PINX1: variants seen among roughly 807,000 people sequenced by gnomAD.
The protein encoded by PINX1 is PIN2 (TERF1) interacting telomerase inhibitor 1.
A neutral mutation model predicts 25.4 loss-of-function variants in PINX1; 34 were observed. The ratio of observed to expected loss-of-function variants is 1.34; its 90% CI spans 1.02 to 1.78. PINX1 has a LOEUF of 1.78. Ranked by LOEUF, PINX1 falls within the 40% of genes most tolerant of loss-of-function variation. PINX1 has a pLI of 0.00. For missense variants in PINX1, 592 were observed against 404.9 expected, an observed-to-expected ratio of 1.46 and a Z score of -3.97; for synonymous variants, 197 against 147.7, an observed-to-expected ratio of 1.33 and a Z score of -2.42.
chr8:10,786,561 G>A (rs1032359059), intron 6 of PINX1, among the ~76,000 whole-genome samples: 1 of 152,182 alleles, frequency 6.6e-6, no homozygotes, highest in African/African-American at 2.4e-5. Flanking sequence ...AATTAAGCGT[G>A]AGCTACGCCC....
At chr8:10,792,728 G>A (rs746665378) in intron 6 of PINX1, among the ~76,000 whole-genome samples, 1 of 152,150 alleles carries the variant, frequency 6.6e-6, no homozygotes, top group Middle Eastern at 3.4e-3. Context: ...ACTGTAATAG[G>A]AAAAAAAGAA....
chr8:10,823,750 C>G (rs1159988138), intron 5 of PINX1, among the ~76,000 whole-genome samples: 2 of 152,170 alleles, frequency 1.3e-5, no homozygotes, highest in Non-Finnish European at 2.9e-5. Context: ...ATCACTTGAG[C>G]CCAGAAGGTC....
chr8:10,818,018 G>A (rs1797753371), intron 6 of PINX1, among the ~76,000 whole-genome samples: 1 of 152,160 alleles, frequency 6.6e-6, no homozygotes, highest in African/African-American at 2.4e-5. Context: ...GTCTTGGGCA[G>A]AACCCTGGCA....
chr8:10,820,650 CTACT>C (rs1797839989), intron 5 of PINX1, among the ~76,000 whole-genome samples: 1 of 152,082 alleles, frequency 6.6e-6, no homozygotes, highest in Non-Finnish European at 1.5e-5. Flanking sequence ...GAGACATGAG[CTACT>C]TACTTAGAAG....
chr8:10,786,352 C>T (rs1006753208), intron 6 of PINX1, among the ~76,000 whole-genome samples: 17 of 152,144 alleles, frequency 1.1e-4, no homozygotes, highest in African/African-American at 3.6e-4. Flanking sequence ...TTCTACAACA[C>T]CAAGTAGCGT....
chr8:10,790,501 G>A (rs762685319), intron 6 of PINX1, among the ~76,000 whole-genome samples: 24 of 152,124 alleles, frequency 1.6e-4, no homozygotes, highest in African/African-American at 4.8e-4. Flanking sequence ...CCTGCCGTGC[G>A]CTCCTCTCCC....
chr8:10,773,082 T>C (rs576524552), intron 6 of PINX1, among the ~76,000 whole-genome samples: 1 of 152,374 alleles, frequency 6.6e-6, no homozygotes, highest in African/African-American at 2.4e-5. Context: ...TTTCTCATTA[T>C]ACAAGTACAT....
At chr8:10,784,480 C>T (rs1801687504) in intron 6 of PINX1, among the ~76,000 whole-genome samples, 2 of 152,188 alleles carry the variant, frequency 1.3e-5, no homozygotes, top group African/African-American at 4.8e-5. Flanking sequence ...GTCTACTCAA[C>T]AATTTCCTAT....
chr8:10,782,641 C>A (rs564654889), intron 6 of PINX1, among the ~76,000 whole-genome samples: 25 of 152,244 alleles, frequency 1.6e-4, no homozygotes, highest in African/African-American at 5.3e-4. Flanking sequence ...GAGGCTGAGG[C>A]AGCAGGATCA....
intron 6 of PINX1, among the ~76,000 whole-genome samples, chr8:10,784,490 T>C (rs973342693): frequency 2.6e-5 from 4 of 152,212 alleles, no homozygotes; most frequent in Non-Finnish European, 4.4e-5. Context: ...CAATTTCCTA[T>C]AAAAGCTATG....
chr8:10,805,829 C>T (rs530062965), intron 6 of PINX1, among the ~76,000 whole-genome samples: 2 of 115,836 alleles, frequency 1.7e-5, no homozygotes, highest in African/African-American at 3.2e-5. Flanking sequence ...GGTGACAGAG[C>T]ACAGGAAGGG....
At chr8:10,822,792 T>C (rs1391750202) in intron 5 of PINX1, among the ~76,000 whole-genome samples, 2 of 151,944 alleles carry the variant, frequency 1.3e-5, no homozygotes. Context: ...ACCAACTCTA[T>C]GGAAAAGCAG....
intron 6 of PINX1, among the ~76,000 whole-genome samples, chr8:10,791,969 T>G (rs1801937106): frequency 6.6e-6 from 1 of 152,122 alleles, no homozygotes; most frequent in Non-Finnish European, 1.5e-5. Context: ...GAGGTGCCAG[T>G]TACACCTGGC....
At chr8:10,807,835 G>A (rs1022888011) in intron 6 of PINX1, among the ~76,000 whole-genome samples, 4 of 152,180 alleles carry the variant, frequency 2.6e-5, no homozygotes, top group African/African-American at 9.7e-5. Context: ...CAAGGCTGGG[G>A]AAAAGTCCAG....
At chr8:10,767,695 C>T (rs1801098247) in intron 6 of PINX1, among the ~76,000 whole-genome samples, 1 of 152,316 alleles carries the variant, frequency 6.6e-6, no homozygotes. Flanking sequence ...CAAGAAAGAT[C>T]CTGCCTCCCA....
At position 10,765,876 on chromosome 8, in the gene PINX1, G is replaced by A. The variant is rs377311809; in HGVS notation, c.512C>T (p.Thr171Met). The A allele has an allele frequency of 2.7e-5, 44 of 1,613,750 alleles. No individual in the cohort carries two copies. Among genetic ancestry groups the A allele is most frequent in the African/African-American group, 1.1e-4 (8 of 74,916 alleles). ...SPSTPEENETTTTSAFTIQEY... is the reference protein window; with the variant it reads ...SPSTPEENETMTTSAFTIQEY... ...CTGGATGGTGAAGGCGCTGGTTGTC[G>A]TGGTTTCGTTCTCCTCTGGAGTGGA... The change falls in exon 7 of 7, where the codon ACG becomes ATG. Residue 171 changes from threonine to methionine, a missense_variant. Coordinates refer to ENST00000314787, the MANE Select transcript of PINX1 (RefSeq NM_017884.6).
intron 6 of PINX1, among the ~76,000 whole-genome samples, chr8:10,784,594 C>A (rs1057487773): frequency 2.0e-5 from 3 of 152,136 alleles, no homozygotes; most frequent in Admixed American, 2.0e-4. Flanking sequence ...GAAAAATAAA[C>A]CTCACAAAAC....
At chr8:10,783,850 G>A (rs1459560774) in intron 6 of PINX1, among the ~76,000 whole-genome samples, 3 of 152,328 alleles carry the variant, frequency 2.0e-5, no homozygotes, top group South Asian at 2.1e-4. Context: ...ATAGCCTTGT[G>A]TAAAGACACT....
intron 1 of PINX1, among the ~76,000 whole-genome samples, chr8:10,835,614 G>A (rs924853803): frequency 4.6e-5 from 7 of 152,234 alleles, no homozygotes; most frequent in South Asian, 2.1e-4. Flanking sequence ...ATTTATATCC[G>A]CCTTTCCGGT....
Sources: gnomAD v4.1 joint callset for allele counts (sites outside exome capture counted in the v4.1 genomes callset) on GRCh38, gnomAD v4.1.1 for gene constraint, MANE v1.5 for transcripts, NCBI Gene and HGNC (gene_info 2026-07-23, HGNC 2026-07-21) for gene names.